The following COL8A1 variants were observed in gnomAD, a reference collection of about 807,000 sequenced individuals.
The protein encoded by COL8A1 is collagen alpha-1(VIII) chain.
COL8A1 carries 21 observed loss-of-function variants against 42.7 expected under a neutral mutation model. The ratio of observed to expected loss-of-function variants is 0.49; its 90% CI spans 0.35 to 0.71. The LOEUF (loss-of-function observed/expected upper bound fraction) is 0.71, where lower values mean the gene tolerates loss of function less well. Among genes scored for constraint, COL8A1 ranks in the 30% least tolerant of loss-of-function variants. The probability of loss-of-function intolerance (pLI) is 0.01; values close to 1 mark genes in which losing one functional copy is unlikely to be tolerated. For missense variants in COL8A1, 788 were observed against 962.4 expected (o/e 0.82, Z 2.40); for synonymous variants, 367 against 369.1 (o/e 0.99, Z 0.06).
chr3:99,706,676 A>T (rs946130694), intron 1 of COL8A1, among the ~76,000 whole-genome samples: 1 of 152,232 alleles, frequency 6.6e-6, no homozygotes, highest in African/African-American at 2.4e-5. Flanking sequence ...CATAAAACTT[A>T]AATGACATCA....
chr3:99,781,922 G>A (rs1458082074), intron 2 of COL8A1, among the ~76,000 whole-genome samples: 1 of 152,130 alleles, frequency 6.6e-6, no homozygotes, highest in Non-Finnish European at 1.5e-5. Flanking sequence ...ACATGACTAT[G>A]TCACACTCAT....
At chr3:99,732,869 C>T (rs1006502318) in intron 1 of COL8A1, among the ~76,000 whole-genome samples, 1 of 152,144 alleles carries the variant, frequency 6.6e-6, no homozygotes, top group Non-Finnish European at 1.5e-5. Context: ...TTTCAAGATA[C>T]AATGGGGGTA....
intron 2 of COL8A1, among the ~76,000 whole-genome samples, chr3:99,787,774 A>G (rs1941922463): frequency 6.6e-6 from 1 of 152,156 alleles, no homozygotes; most frequent in African/African-American, 2.4e-5. Flanking sequence ...GTCATATGAC[A>G]TGACACCCAT....
chr3:99,782,438 A>T (rs959894472), intron 2 of COL8A1, among the ~76,000 whole-genome samples: 1 of 151,994 alleles, frequency 6.6e-6, no homozygotes, highest in Admixed American at 6.6e-5. Flanking sequence ...GTTGCCCAGG[A>T]TGGAGTGCAG....
chr3:99,734,009 T>C lies in COL8A1; in HGVS notation c.-128-10888T>C, dbSNP rs1458060375. Reference sequence around the variant, plus strand: ...TTTGATGGGGTTGTTTGTTTCTTTCTTGTAAATTTGTTTGAGTTCATTGTA... The same window carrying C: ...TTTGATGGGGTTGTTTGTTTCTTTCCTGTAAATTTGTTTGAGTTCATTGTA... On this transcript the variant is annotated intron_variant, in intron 1 of 3. Coordinates refer to ENST00000652472, the MANE Select transcript of COL8A1 (RefSeq NM_020351.4). Among the ~76,000 whole-genome samples, 55 of 152,224 alleles carry C rather than the reference T, an allele frequency of 3.6e-4. 1 individual carries two copies. The South Asian group carries it at 0.011, about 31-fold the overall frequency.
intron 1 of COL8A1, among the ~76,000 whole-genome samples, chr3:99,651,262 G>T (rs1439749127): frequency 1.3e-5 from 2 of 152,138 alleles, no homozygotes; most frequent in Admixed American, 1.3e-4. Flanking sequence ...ACATACAATT[G>T]CTTCAGTCTT....
At chr3:99,724,944 A>G (rs1940260226) in intron 1 of COL8A1, among the ~76,000 whole-genome samples, 1 of 152,078 alleles carries the variant, frequency 6.6e-6, no homozygotes, top group South Asian at 2.1e-4. Context: ...GTAATAGTCA[A>G]TTTAAGATTT....
At chr3:99,674,816 T>TCAAATTCAATTCAAATTCAAATTCAA (rs1938645957) in intron 1 of COL8A1, among the ~76,000 whole-genome samples, 1 of 152,080 alleles carries the variant, frequency 6.6e-6, no homozygotes, top group Non-Finnish European at 1.5e-5. Context: ...AGAGACTTAT[T>TCAAATTCAATTCAAATTCAAATTCAA]TATTGAATAA....
At chr3:99,674,834 G>C (rs1938646813) in intron 1 of COL8A1, among the ~76,000 whole-genome samples, 1 of 152,090 alleles carries the variant, frequency 6.6e-6, no homozygotes, top group African/African-American at 2.4e-5. Flanking sequence ...TAATGATAAA[G>C]TAATAGTGAT....
chr3:99,789,611 G>A (rs1941962031), intron 2 of COL8A1, among the ~76,000 whole-genome samples: 1 of 152,116 alleles, frequency 6.6e-6, no homozygotes, highest in Non-Finnish European at 1.5e-5. Context: ...TTTAAGCCTA[G>A]GGCGTTTCCA....
intron 3 of COL8A1, among the ~76,000 whole-genome samples, chr3:99,793,704 T>C (rs868446269): frequency 2.0e-5 from 3 of 152,156 alleles, no homozygotes; most frequent in Admixed American, 6.5e-5. Flanking sequence ...AAAAAATACC[T>C]CAAATACATA....
chr3:99,745,975 A>G (rs911636267), intron 2 of COL8A1, among the ~76,000 whole-genome samples: 2 of 152,186 alleles, frequency 1.3e-5, no homozygotes, highest in African/African-American at 4.8e-5. Context: ...CTGATATATA[A>G]TAGTACAATG....
At chr3:99,719,352 G>T (rs1024987874) in intron 1 of COL8A1, among the ~76,000 whole-genome samples, 2 of 152,072 alleles carry the variant, frequency 1.3e-5, no homozygotes, top group African/African-American at 4.8e-5. Flanking sequence ...ACCAAAAGGA[G>T]TTCCTAGCCC....
chr3:99,641,922 T>A (rs565931398), intron 1 of COL8A1, among the ~76,000 whole-genome samples: 1 of 152,274 alleles, frequency 6.6e-6, no homozygotes, highest in Non-Finnish European at 1.5e-5. Context: ...AAGGGGAGAA[T>A]GAATGCCCTT....
chr3:99,698,194 A>G (rs535027385), intron 1 of COL8A1, among the ~76,000 whole-genome samples: 7 of 152,232 alleles, frequency 4.6e-5, no homozygotes, highest in African/African-American at 1.7e-4. Flanking sequence ...TATGTGCCAC[A>G]TTTTCTTAAT....
At chr3:99,662,339 G>A (rs929485949) in intron 1 of COL8A1, among the ~76,000 whole-genome samples, 2 of 148,664 alleles carry the variant, frequency 1.3e-5, no homozygotes, top group Non-Finnish European at 3.0e-5. Context: ...CCGACATCAC[G>A]CCACTGCACT....
chr3:99,758,498 A>T (rs943275595), intron 2 of COL8A1, among the ~76,000 whole-genome samples: 1 of 152,190 alleles, frequency 6.6e-6, no homozygotes, highest in Non-Finnish European at 1.5e-5. Flanking sequence ...GCAATTGGTT[A>T]TACTGGATGC....
intron 1 of COL8A1, among the ~76,000 whole-genome samples, chr3:99,657,743 C>T (rs541102749): frequency 6.6e-6 from 1 of 152,252 alleles, no homozygotes; most frequent in South Asian, 2.1e-4. Context: ...TGCCTCCTAC[C>T]CTCTGGAGAC....
Position 99,723,540 on chromosome 3 carries a change from C to A in COL8A1, c.-128-21357C>A, listed in dbSNP as rs557610182. ...GGTAGTTGGTTATAAGTGAAATGTTCAATTGTAATACATTCTTGTTTTATT... is the reference window on the plus strand; with the variant it reads ...GGTAGTTGGTTATAAGTGAAATGTTAAATTGTAATACATTCTTGTTTTATT... On this transcript the variant is annotated intron_variant, in intron 1 of 3. Transcript: ENST00000652472. Among the ~76,000 whole-genome samples the A allele has an allele frequency of 6.6e-5, 10 of 152,240 alleles. No individual in the cohort carries two copies. The East Asian group carries it at 1.5e-3, about 24-fold the overall frequency.
Sources: allele counts gnomAD v4.1 joint callset (sites outside exome capture counted in the v4.1 genomes callset), GRCh38; gene constraint gnomAD v4.1.1; transcripts MANE v1.5; gene names NCBI Gene and HGNC (gene_info 2026-07-23, HGNC 2026-07-21).